DENND2B: variants seen among roughly 807,000 people sequenced by gnomAD.
DENND2B encodes DENN domain-containing protein 2B.
In DENND2B, 32 loss-of-function variants were observed where a neutral mutation model predicts 116.0. The ratio of observed to expected loss-of-function variants is 0.28; its 90% CI spans 0.21 to 0.37. DENND2B has a LOEUF of 0.37. Among genes scored for constraint, DENND2B ranks in the 10% least tolerant of loss-of-function variants. The pLI, the probability that DENND2B is intolerant of heterozygous loss-of-function variation, is 1.00. For synonymous variants in DENND2B, 588 were observed against 583.9 expected (o/e 1.01, Z -0.10); for missense variants, 1,276 against 1,477.7 (o/e 0.86, Z 2.24).
intron 4 of DENND2B, among the ~76,000 whole-genome samples, chr11:8,835,387 G>A (rs967072846): frequency 4.6e-5 from 7 of 152,298 alleles, no homozygotes; most frequent in South Asian, 2.1e-4. Context: ...ACTTCAAACC[G>A]TCTACTTTCA....
chr11:8,809,056 A>T (rs1326799378), intron 1 of DENND2B: 1 of 152,388 alleles, frequency 6.6e-6, no homozygotes, highest in South Asian at 2.1e-4. Context: ...TGAAGGGGCC[A>T]CTGGCTCAGT....
chr11:8,758,325 C>T (rs1192181264), intron 1 of DENND2B, among the ~76,000 whole-genome samples: 2 of 152,142 alleles, frequency 1.3e-5, no homozygotes, highest in African/African-American at 4.8e-5. Context: ...ACCACTGGCC[C>T]TCAACCACAA....
At chr11:8,907,698 A>T (rs2064255784) in intron 1 of DENND2B, among the ~76,000 whole-genome samples, 1 of 152,050 alleles carries the variant, frequency 6.6e-6, no homozygotes, top group Non-Finnish European at 1.5e-5. Flanking sequence ...TAGAAAAGCC[A>T]ACTCTTTTTT....
intron 1 of DENND2B, among the ~76,000 whole-genome samples, chr11:8,769,239 CTTTTTT>C (rs35488456): frequency 7.0e-6 from 1 of 142,588 alleles, no homozygotes; most frequent in East Asian, 2.1e-4. Context: ...AAAGCAACTT[CTTTTTT>C]TTTTTTTTTG....
intron 1 of DENND2B, among the ~76,000 whole-genome samples, chr11:8,775,587 G>A (rs1165306599): frequency 6.6e-6 from 1 of 152,170 alleles, no homozygotes; most frequent in East Asian, 1.9e-4. Context: ...CAGGGAGCAT[G>A]CAAAATCTCA....
At chr11:8,902,528 A>G (rs1323045858) in intron 1 of DENND2B, among the ~76,000 whole-genome samples, 1 of 152,082 alleles carries the variant, frequency 6.6e-6, no homozygotes, top group East Asian at 1.9e-4. Context: ...TTGTCTAGTG[A>G]TATTTCTTGT....
intron 2 of DENND2B, chr11:8,877,600 G>T (rs1253347385): frequency 6.6e-6 from 1 of 152,070 alleles, no homozygotes; most frequent in Non-Finnish European, 1.5e-5. Context: ...TTGTTCTAAT[G>T]GTATCAGTCT....
chr11:8,693,904 CAGTT>C lies in DENND2B; in HGVS notation c.*188_*191del. ...TATTCTCTTTGCTTGTTACAAAAAA[CAGTT>C]AAGAAAGCTTACAGCAGATTATTTA... On this transcript the variant is annotated 3_prime_UTR_variant, in exon 20 of 20. Coordinates refer to ENST00000313726, the MANE Select transcript of DENND2B (RefSeq NM_213618.2). 1 of 541,702 alleles carries C rather than the reference CAGTT, an allele frequency of 1.8e-6. No individual in the cohort carries two copies. The highest frequency in any genetic ancestry group is 1.9e-5 in the African/African-American group (1 of 51,886). The allele number at this position is 541,702 out of a possible 1,614,324, so 33.6% of individuals were successfully genotyped here.
chr11:8,745,993 T>C (rs2051172785), intron 2 of DENND2B, among the ~76,000 whole-genome samples: 1 of 152,244 alleles, frequency 6.6e-6, no homozygotes, highest in African/African-American at 2.4e-5. Context: ...ATAAATATTA[T>C]TCTAAGCCAC....
At position 8,846,859 on chromosome 11, in the gene DENND2B, G is replaced by A. The variant is rs140749379; in HGVS notation, c.-155-7509C>T. 8.1e-3 allele frequency among the ~76,000 whole-genome samples: 1,237 copies of A among 152,296 alleles called. 6 individuals are homozygous for A. The highest frequency in any genetic ancestry group is 0.012 in the Non-Finnish European group (807 of 68,030). ...ATTAATCCTTAGCTCTTTGCTGTAG[G>A]TGTTTGATGCCTCTCTGAAGATAAG... On this transcript the variant is annotated intron_variant, in intron 3 of 6. Coordinates refer to the DENND2B transcript ENST00000524757.
At chr11:8,868,030 T>C (rs142416629) in intron 2 of DENND2B, among the ~76,000 whole-genome samples, 121 of 152,234 alleles carry the variant, frequency 7.9e-4, no homozygotes, top group African/African-American at 2.8e-3. Context: ...AACCAAAGCA[T>C]TGCGAAACAT....
At chr11:8,802,913 C>G (rs1390304460) in intron 1 of DENND2B, among the ~76,000 whole-genome samples, 2 of 152,088 alleles carry the variant, frequency 1.3e-5, no homozygotes, top group Non-Finnish European at 2.9e-5. Flanking sequence ...TTCTGAGAAC[C>G]AAGTCAAAAT....
intron 5 of DENND2B, among the ~76,000 whole-genome samples, chr11:8,717,296 T>C (rs871677): frequency 0.35 from 52,962 of 152,118 alleles, 9,517 homozygotes; most frequent in East Asian, 0.57. Flanking sequence ...TTTGGGGACC[T>C]ACACCTAGCC....
chr11:8,829,790 C>T (rs112021290), intron 4 of DENND2B, among the ~76,000 whole-genome samples: 3 of 152,256 alleles, frequency 2.0e-5, no homozygotes, highest in Admixed American at 1.3e-4. Flanking sequence ...CTTCCCCTTT[C>T]GTCCCCAATC....
At chr11:8,719,041 T>C in intron 4 of DENND2B, 2 of 985,668 alleles carry the variant, frequency 2.0e-6, no homozygotes, top group Non-Finnish European at 2.4e-6. Context: ...AGCAGCAGGA[T>C]TGAGCCTGGG....
chr11:8,869,773 A>G (rs1359963975), intron 2 of DENND2B, among the ~76,000 whole-genome samples: 1 of 152,210 alleles, frequency 6.6e-6, no homozygotes, highest in Non-Finnish European at 1.5e-5. Flanking sequence ...GAATTTAAGA[A>G]GCCTTCACTT....
intron 1 of DENND2B, among the ~76,000 whole-genome samples, chr11:8,761,919 C>G (rs1290264977): frequency 6.6e-6 from 1 of 152,174 alleles, no homozygotes; most frequent in Non-Finnish European, 1.5e-5. Flanking sequence ...CTACAAAGAA[C>G]AGTGGGTACT....
Position 8,894,889 on chromosome 11 carries a change from C to T in DENND2B, c.-255-13780G>A, listed in dbSNP as rs1321631961. Among the ~76,000 whole-genome samples the T allele has an allele frequency of 2.4e-3, 367 of 152,200 alleles. 2 individuals are homozygous for T. The highest frequency in any genetic ancestry group is 6.8e-3 in the Middle Eastern group (2 of 294). On this transcript the variant is annotated intron_variant, in intron 1 of 22. Transcript: ENST00000534127. ...AGAAATACCATTTGACCCAGTGATCCCATTTCTGGGTATATACCCAAAGGA... is the reference window on the plus strand; with the variant it reads ...AGAAATACCATTTGACCCAGTGATCTCATTTCTGGGTATATACCCAAAGGA...
At chr11:8,746,446 C>T (rs1464088038) in intron 2 of DENND2B, among the ~76,000 whole-genome samples, 4 of 152,210 alleles carry the variant, frequency 2.6e-5, no homozygotes, top group Non-Finnish European at 5.9e-5. Context: ...ACTCTAACAT[C>T]CCAACAGAGA....
Sources: allele counts gnomAD v4.1 joint callset (sites outside exome capture counted in the v4.1 genomes callset), GRCh38; gene constraint gnomAD v4.1.1; transcripts MANE v1.5; gene names NCBI Gene and HGNC (gene_info 2026-07-23, HGNC 2026-07-21).